The following PRKCB variants were observed in gnomAD, a reference collection of about 807,000 sequenced individuals.
The protein encoded by PRKCB is protein kinase C beta, also known as protein kinase C beta type.
PRKCB carries 13 observed loss-of-function variants against 81.5 expected under a neutral mutation model. The ratio of observed to expected loss-of-function variants is 0.16; its 90% CI spans 0.10 to 0.25. PRKCB has a LOEUF of 0.25. Among genes scored for constraint, PRKCB ranks in the 10% least tolerant of loss-of-function variants. The pLI is 1.00. For synonymous variants in PRKCB, 335 were observed against 321.4 expected (o/e 1.04, Z -0.45); for missense variants, 509 against 875.7 (o/e 0.58, Z 5.29).
intron 3 of PRKCB, among the ~76,000 whole-genome samples, chr16:24,005,851 C>T (rs7206758): frequency 0.035 from 5,386 of 152,272 alleles, 245 homozygotes; most frequent in African/African-American, 0.11. Context: ...CTTTTCTCAA[C>T]GCCTGGTTTC....
At chr16:23,860,531 A>T (rs747715403) in intron 2 of PRKCB, among the ~76,000 whole-genome samples, 4 of 152,148 alleles carry the variant, frequency 2.6e-5, no homozygotes, top group Non-Finnish European at 2.9e-5. Flanking sequence ...TACTGGTGGC[A>T]CTCAAAGATT....
At chr16:23,963,216 A>C (rs1006806835) in intron 2 of PRKCB, 2 of 152,184 alleles carry the variant, frequency 1.3e-5, no homozygotes, top group African/African-American at 4.8e-5. Context: ...TCACCAGTCC[A>C]AGCCTGTTTT....
intron 2 of PRKCB, among the ~76,000 whole-genome samples, chr16:23,861,671 C>A (rs1962667269): frequency 6.6e-6 from 1 of 152,258 alleles, no homozygotes; most frequent in East Asian, 1.9e-4. Flanking sequence ...CAGGGCAAAG[C>A]AGGAAGGAAG....
At chr16:24,019,775 G>GA (rs200394974) in intron 3 of PRKCB, among the ~76,000 whole-genome samples, 19 of 147,872 alleles carry the variant, frequency 1.3e-4, no homozygotes, top group African/African-American at 2.2e-4. Context: ...AAAAAAAAAA[G>GA]AAAAAAAAAT....
intron 2 of PRKCB, among the ~76,000 whole-genome samples, chr16:23,844,449 G>A (rs950758612): frequency 6.6e-5 from 10 of 151,978 alleles, no homozygotes; most frequent in East Asian, 1.9e-4. Context: ...TTCATCATCC[G>A]TTTTTCTGTT....
Position 23,837,147 on chromosome 16 carries a change from C to T in PRKCB, c.174-228C>T. On this transcript the variant is annotated intron_variant, in intron 1 of 16. Coordinates refer to ENST00000643927, the MANE Select transcript of PRKCB (RefSeq NM_002738.7). ...GGAAACGCTCCCCACTATCCCGCCA[C>T]CTGGTGGTCGCAGCCTCCTCTCTTC... The T allele has an allele frequency of 8.1e-6, 5 of 620,524 alleles. 1 individual carries two copies. Among genetic ancestry groups the T allele is most frequent in the South Asian group, 7.1e-5 (4 of 56,614 alleles). The allele number at this position is 620,524 out of a possible 1,614,324, so 38.4% of individuals were successfully genotyped here. A position where few individuals can be genotyped will look rare whatever the true frequency, so the allele number is the denominator to read the frequency against.
chr16:23,863,255 TACACAC>T (rs57495485), intron 2 of PRKCB, among the ~76,000 whole-genome samples: 5 of 132,848 alleles, frequency 3.8e-5, no homozygotes, highest in African/African-American at 5.8e-5. Context: ...TATATACACA[TACACAC>T]ACACACACAC....
At chr16:23,891,047 T>TATATAATGTGTGTGTATATATATATATA (rs1555482496) in intron 2 of PRKCB, among the ~76,000 whole-genome samples, 55 of 148,612 alleles carry the variant, frequency 3.7e-4, no homozygotes, top group African/African-American at 1.2e-3. Flanking sequence ...TGTGTATATA[T>TATATAATGTGTGTGTATATATATATATA]ATATATAATT....
chr16:24,151,790 A>G (rs977022169), intron 9 of PRKCB: 20 of 455,882 alleles, frequency 4.4e-5, no homozygotes, highest in African/African-American at 3.8e-4. Flanking sequence ...CTGCATTTTC[A>G]GAACAGTCAT....
intron 2 of PRKCB, among the ~76,000 whole-genome samples, chr16:23,979,703 G>A (rs941528770): frequency 6.6e-5 from 10 of 152,210 alleles, no homozygotes; most frequent in Admixed American, 6.5e-4. Flanking sequence ...AAACACACAT[G>A]TAACTGCACT....
intron 5 of PRKCB, among the ~76,000 whole-genome samples, chr16:24,066,425 A>G (rs557002929): frequency 6.6e-6 from 1 of 152,296 alleles, no homozygotes; most frequent in African/African-American, 2.4e-5. Context: ...AATTTTAAGT[A>G]TTGCATTTTA....
chr16:23,996,564 T>C (rs543088535), intron 3 of PRKCB, among the ~76,000 whole-genome samples: 1 of 152,338 alleles, frequency 6.6e-6, no homozygotes, highest in African/African-American at 2.4e-5. Flanking sequence ...TTTATCCTTA[T>C]GGAAATAGAC....
chr16:23,857,267 G>T (rs1352492143), intron 2 of PRKCB, among the ~76,000 whole-genome samples: 1 of 152,210 alleles, frequency 6.6e-6, no homozygotes, highest in African/African-American at 2.4e-5. Context: ...TGCTGGCGGA[G>T]AACTGTCCCT....
intron 3 of PRKCB, among the ~76,000 whole-genome samples, chr16:23,998,665 G>A (rs1031493366): frequency 6.6e-6 from 1 of 152,192 alleles, no homozygotes; most frequent in Non-Finnish European, 1.5e-5. Context: ...ATAGATATCT[G>A]TAAAAGCACT....
chr16:23,913,483 C>T (rs1252477034), intron 2 of PRKCB, among the ~76,000 whole-genome samples: 1 of 152,172 alleles, frequency 6.6e-6, no homozygotes, highest in African/African-American at 2.4e-5. Context: ...GGTGAAAAGG[C>T]AGACCTGGAG....
At chr16:24,081,697 A>AC in intron 5 of PRKCB, among the ~76,000 whole-genome samples, 1 of 152,068 alleles carries the variant, frequency 6.6e-6, no homozygotes, top group South Asian at 2.1e-4. Context: ...ACATGGTGAA[A>AC]CCCCCACATC....
At chr16:24,206,003 T>G (rs1968040095) in intron 16 of PRKCB, among the ~76,000 whole-genome samples, 1 of 152,180 alleles carries the variant, frequency 6.6e-6, no homozygotes, top group Admixed American at 6.5e-5. Context: ...AAACACTGGA[T>G]GTTATTTTTT....
rs189220890 is a variant in PRKCB at position 24,131,730 on chromosome 16, A to G, written c.1065+7749A>G. Among the ~76,000 whole-genome samples, 709 of 152,310 alleles carry G rather than the reference A, an allele frequency of 4.7e-3. 6 individuals carry two copies. Among genetic ancestry groups the G allele is most frequent in the African/African-American group, 0.016 (682 of 41,560 alleles). On this transcript the variant is annotated intron_variant, in intron 9 of 16. Transcript: ENST00000643927. ...CATTTATTTTAATGTGTTTGGTTTG[A>G]TATACCAGTTATATATTTATTTTAA...
At chr16:24,183,079 C>T (rs917552428) in intron 13 of PRKCB, among the ~76,000 whole-genome samples, 1 of 151,908 alleles carries the variant, frequency 6.6e-6, no homozygotes, top group Admixed American at 6.6e-5. Context: ...CCAGGATGGT[C>T]GCGATCTCCT....
Sources: allele counts gnomAD v4.1 joint callset (sites outside exome capture counted in the v4.1 genomes callset), GRCh38; gene constraint gnomAD v4.1.1; transcripts MANE v1.5; gene names NCBI Gene and HGNC (gene_info 2026-07-23, HGNC 2026-07-21).